SIPA1L1: variants seen among roughly 807,000 people sequenced by gnomAD.
SIPA1L1 encodes the protein signal induced proliferation associated 1 like 1, also known as signal-induced proliferation-associated 1-like protein 1.
In SIPA1L1, 26 loss-of-function variants were observed where a neutral mutation model predicts 162.7. That is an observed-to-expected ratio of 0.16 (90% CI 0.12 to 0.22). The LOEUF (loss-of-function observed/expected upper bound fraction) is 0.22. Ranked by LOEUF, SIPA1L1 falls within the 10% of genes least tolerant of loss-of-function variation. The pLI, the probability that SIPA1L1 is intolerant of heterozygous loss-of-function variation, is 1.00. For synonymous variants in SIPA1L1, 829 were observed against 837.4 expected (o/e 0.99, Z 0.17); for missense variants, 1,874 against 2,241.0 (o/e 0.84, Z 3.31).
At chr14:71,481,775 C>T (rs1396015596) in intron 2 of SIPA1L1, among the ~76,000 whole-genome samples, 1 of 152,122 alleles carries the variant, frequency 6.6e-6, no homozygotes, top group African/African-American at 2.4e-5. Context: ...CTCTTGAAAT[C>T]CACCCCCGGA....
chr14:71,504,407 A>G (rs923291901), intron 2 of SIPA1L1, among the ~76,000 whole-genome samples: 1 of 152,208 alleles, frequency 6.6e-6, no homozygotes, highest in African/African-American at 2.4e-5. Flanking sequence ...CTATTTTTAT[A>G]AAACAGAGTA....
At chr14:71,482,671 T>C (rs898885151) in intron 2 of SIPA1L1, among the ~76,000 whole-genome samples, 2 of 152,186 alleles carry the variant, frequency 1.3e-5, no homozygotes, top group African/African-American at 4.8e-5. Context: ...TAGGGATGAA[T>C]TAGGGCTCTG....
Position 71,556,268 on chromosome 14 carries a change from G to T in SIPA1L1, c.-303+26898G>T, listed in dbSNP as rs146603117. Among the ~76,000 whole-genome samples, 314 of 152,236 alleles carry T rather than the reference G, an allele frequency of 2.1e-3. 1 individual carries two copies. The highest frequency in any genetic ancestry group is 3.7e-3 in the Non-Finnish European group (254 of 68,020). ...AACTCTCAAACCGTGTCTTTCCTCT[G>T]CTTTCATACCACCATGACAATCATC... On this transcript the variant is annotated intron_variant, in intron 4 of 23. Coordinates refer to ENST00000381232, the MANE Select transcript of SIPA1L1 (RefSeq NM_001386936.1).
chr14:71,370,067 G>C (rs1395543969), intron 2 of SIPA1L1, among the ~76,000 whole-genome samples: 9 of 132,506 alleles, frequency 6.8e-5, no homozygotes, highest in Non-Finnish European at 1.1e-4. Flanking sequence ...TTTGGGCTGA[G>C]ACGATGGGGT....
intron 7 of SIPA1L1, among the ~76,000 whole-genome samples, chr14:71,626,918 C>T (rs1383776943): frequency 1.3e-5 from 2 of 151,786 alleles, no homozygotes; most frequent in African/African-American, 2.4e-5. Flanking sequence ...CTAAAGTGAA[C>T]AGAAAAATTA....
chr14:71,685,036 G>A (rs553038705), intron 12 of SIPA1L1, among the ~76,000 whole-genome samples: 53 of 152,294 alleles, frequency 3.5e-4, no homozygotes, highest in South Asian at 2.3e-3. Flanking sequence ...GTATGCCCCC[G>A]TCATGCTGTC....
chr14:71,447,811 C>CGCCT lies in SIPA1L1; in HGVS notation c.-464-64927_-464-64924dup, dbSNP rs1567036414. 2.0e-5 allele frequency among the ~76,000 whole-genome samples: 3 copies of CGCCT among 152,098 alleles called. No individual in the cohort carries two copies. The East Asian group carries it at 5.8e-4, about 29-fold the overall frequency. On this transcript the variant is annotated intron_variant, in intron 2 of 23. Coordinates refer to ENST00000381232, the MANE Select transcript of SIPA1L1 (RefSeq NM_001386936.1). ...CTCGAACTCCTGAGCTCTGGCAATCCGCCTGCCTCTGCCTCCCAAAATGCT... is the reference window on the plus strand; with the variant it reads ...CTCGAACTCCTGAGCTCTGGCAATCCGCCTGCCTGCCTCTGCCTCCCAAAATGCT...
At chr14:71,590,387 A>G (rs2035233842) in intron 5 of SIPA1L1, among the ~76,000 whole-genome samples, 1 of 151,932 alleles carries the variant, frequency 6.6e-6, no homozygotes, top group Admixed American at 6.6e-5. Flanking sequence ...AGCTATTCTC[A>G]CAGTGTTTTG....
intron 2 of SIPA1L1, among the ~76,000 whole-genome samples, chr14:71,395,340 G>A (rs1215998001): frequency 6.6e-6 from 1 of 152,108 alleles, no homozygotes; most frequent in East Asian, 1.9e-4. Flanking sequence ...ATAATATGAT[G>A]AGTGAGGCTT....
Position 71,705,394 on chromosome 14 carries a change from T to A in SIPA1L1, c.3765+54T>A. 2.4e-6 allele frequency: 3 copies of A among 1,263,894 alleles called. No homozygotes were observed. In the South Asian group the frequency reaches 3.6e-5, roughly 15 times the overall value. The allele number at this position is 1,263,894 out of a possible 1,614,324, so 78.3% of individuals were successfully genotyped here. A position where few individuals can be genotyped will look rare whatever the true frequency, so the allele number is the denominator to read the frequency against. On this transcript the variant is annotated intron_variant, in intron 16 of 23. Coordinates refer to ENST00000381232, the MANE Select transcript of SIPA1L1 (RefSeq NM_001386936.1). ...TTAGATTCCTAGCAGTGTACCTTCC[T>A]TGCACTATGAAAATGCTCTGCTCTT...
chr14:71,654,462 G>T (rs373137005), intron 8 of SIPA1L1, among the ~76,000 whole-genome samples: 1 of 152,166 alleles, frequency 6.6e-6, no homozygotes, highest in Non-Finnish European at 1.5e-5. Flanking sequence ...AGGCTTGTTT[G>T]TCACGTCAGT....
intron 4 of SIPA1L1, among the ~76,000 whole-genome samples, chr14:71,575,350 A>G (rs910278059): frequency 9.9e-5 from 15 of 152,204 alleles, no homozygotes; most frequent in African/African-American, 2.7e-4. Flanking sequence ...TATGTATACT[A>G]TGATGAGTGA....
intron 2 of SIPA1L1, among the ~76,000 whole-genome samples, chr14:71,468,251 C>T (rs755579359): frequency 1.3e-5 from 2 of 152,020 alleles, no homozygotes; most frequent in Non-Finnish European, 1.5e-5. Flanking sequence ...AAATAAGTAC[C>T]CAAATGGAGA....
rs546234379 is a variant in SIPA1L1 at position 71,569,559 on chromosome 14, T to C, written c.-302-18012T>C. On this transcript the variant is annotated intron_variant, in intron 4 of 23. Transcript: ENST00000381232. ...GTATCCTAGAAATGAACTACAAATA[T>C]GGCATTTGTGGGTCCCCCAGTATAG... is the stretch of plus-strand genomic sequence containing the variant. Among the ~76,000 whole-genome samples, 14 of 152,322 alleles carry C rather than the reference T, an allele frequency of 9.2e-5. No homozygotes were observed. In the South Asian group the frequency reaches 2.5e-3, roughly 27 times the overall value.
chr14:71,665,428 G>C (rs1234894581), intron 10 of SIPA1L1, among the ~76,000 whole-genome samples: 1 of 152,178 alleles, frequency 6.6e-6, no homozygotes, highest in Non-Finnish European at 1.5e-5. Context: ...CACTAAGTCT[G>C]CATACTAAAG....
chr14:71,597,173 G>C (rs1323882007), intron 5 of SIPA1L1, among the ~76,000 whole-genome samples: 2 of 151,692 alleles, frequency 1.3e-5, no homozygotes, highest in African/African-American at 4.8e-5. Flanking sequence ...GTAGAGATGT[G>C]GTGTCACCAT....
At chr14:71,465,830 C>T (rs1429675618) in intron 2 of SIPA1L1, among the ~76,000 whole-genome samples, 4 of 152,120 alleles carry the variant, frequency 2.6e-5, no homozygotes. Flanking sequence ...CAGTCCGAGT[C>T]CCAAAACTGA....
intron 2 of SIPA1L1, among the ~76,000 whole-genome samples, chr14:71,503,268 A>C (rs2050397724): frequency 1.3e-5 from 2 of 152,210 alleles, no homozygotes; most frequent in African/African-American, 4.8e-5. Context: ...GTCATGATGG[A>C]ATTTTCTGGC....
intron 17 of SIPA1L1, among the ~76,000 whole-genome samples, chr14:71,718,875 C>A (rs2083467517): frequency 6.6e-6 from 1 of 151,966 alleles, no homozygotes; most frequent in East Asian, 1.9e-4. Flanking sequence ...GTCCACTATA[C>A]TGTTGATGAA....
Sources: gnomAD v4.1 joint callset for allele counts (sites outside exome capture counted in the v4.1 genomes callset) on GRCh38, gnomAD v4.1.1 for gene constraint, MANE v1.5 for transcripts, NCBI Gene and HGNC (gene_info 2026-07-23, HGNC 2026-07-21) for gene names.